Variants in EYS observed in about 807,000 individuals in gnomAD.
EYS encodes the protein EGF-like photoreceptor maintenance factor, also known as protein eyes shut homolog.
Under a neutral mutation model 282.1 loss-of-function variants are expected in EYS, and 250 were observed. That is an observed-to-expected ratio of 0.89 (90% confidence interval 0.80 to 0.98). The LOEUF (loss-of-function observed/expected upper bound fraction) is 0.98. EYS is among the 50% of genes least tolerant of loss of function. The probability of loss-of-function intolerance (pLI) is 0.00; values close to 1 mark genes in which losing one functional copy is unlikely to be tolerated. For missense variants in EYS, 4,016 were observed against 3,709.0 expected, an observed-to-expected ratio of 1.08 and a Z score of -2.15; for synonymous variants, 1,355 against 1,282.9, an observed-to-expected ratio of 1.06 and a Z score of -1.20.
intron 26 of EYS, among the ~76,000 whole-genome samples, chr6:64,537,605 C>T (rs1764566604): frequency 6.6e-6 from 1 of 152,160 alleles, no homozygotes; most frequent in Non-Finnish European, 1.5e-5. Context: ...TCTATAGCTG[C>T]TCAAAGTTAC....
intron 14 of EYS, among the ~76,000 whole-genome samples, chr6:64,970,321 C>T (rs1436704368): frequency 6.6e-6 from 1 of 151,974 alleles, no homozygotes; most frequent in Non-Finnish European, 1.5e-5. Flanking sequence ...CTCATACATC[C>T]CGAGTAGCTG....
chr6:64,479,461 C>T (rs939561986), intron 26 of EYS, among the ~76,000 whole-genome samples: 2 of 151,912 alleles, frequency 1.3e-5, no homozygotes, highest in African/African-American at 4.8e-5. Context: ...CAACTCCCAC[C>T]AATCTCTTAC....
chr6:64,981,229 G>A (rs978739072), intron 14 of EYS, among the ~76,000 whole-genome samples: 1 of 151,336 alleles, frequency 6.6e-6, no homozygotes, highest in South Asian at 2.1e-4. Flanking sequence ...AAAAGAATAC[G>A]TAAAGCTACT....
chr6:65,338,859 C>T (rs559530026), intron 10 of EYS, among the ~76,000 whole-genome samples: 5 of 151,216 alleles, frequency 3.3e-5, no homozygotes, highest in African/African-American at 1.2e-4. Context: ...GAGAAATTAA[C>T]CTTCCTGAAG....
intron 12 of EYS, among the ~76,000 whole-genome samples, chr6:65,221,112 G>T (rs897700862): frequency 1.3e-5 from 2 of 152,144 alleles, no homozygotes; most frequent in African/African-American, 4.8e-5. Context: ...TATTTAAAAG[G>T]CAAGTAGAGC....
At chr6:65,666,680 C>A (rs1266493071) in intron 1 of EYS, among the ~76,000 whole-genome samples, 1 of 151,344 alleles carries the variant, frequency 6.6e-6, no homozygotes, top group South Asian at 2.1e-4. Context: ...TTTTCTCTAA[C>A]ATATTAAAAT....
At chr6:65,309,157 C>T (rs1769088521) in intron 11 of EYS, among the ~76,000 whole-genome samples, 1 of 152,242 alleles carries the variant, frequency 6.6e-6, no homozygotes, top group South Asian at 2.1e-4. Context: ...ATGAGATATT[C>T]TTTCGTCAGA....
At chr6:64,527,425 T>C (rs565788577) in intron 26 of EYS, among the ~76,000 whole-genome samples, 16 of 151,908 alleles carry the variant, frequency 1.1e-4, no homozygotes, top group Non-Finnish European at 1.5e-4. Flanking sequence ...AATAAAAATA[T>C]ATGGGTTTTT....
chr6:65,588,200 T>G (rs1428446163), intron 2 of EYS, among the ~76,000 whole-genome samples: 1 of 152,110 alleles, frequency 6.6e-6, no homozygotes, highest in African/African-American at 2.4e-5. Flanking sequence ...TCTTGCCACA[T>G]ATTTTTGTAT....
chr6:65,619,563 T>A (rs1039708879), intron 2 of EYS, among the ~76,000 whole-genome samples: 29 of 152,148 alleles, frequency 1.9e-4, no homozygotes, highest in African/African-American at 6.3e-4. Context: ...ACTGCCTAAT[T>A]GCCCTGGCCA....
At chr6:64,088,207 T>G (rs1306068964) in intron 31 of EYS, among the ~76,000 whole-genome samples, 4 of 152,122 alleles carry the variant, frequency 2.6e-5, no homozygotes, top group Non-Finnish European at 5.9e-5. Flanking sequence ...GTTTTCCCGC[T>G]GCTTCCAAAA....
At chr6:64,927,493 A>T (rs1290756086) in intron 15 of EYS, among the ~76,000 whole-genome samples, 2 of 152,160 alleles carry the variant, frequency 1.3e-5, no homozygotes, top group African/African-American at 4.8e-5. Flanking sequence ...CAAATACAGA[A>T]ATAAAACTTT....
chr6:64,181,865 G>A (rs975049889), intron 31 of EYS, among the ~76,000 whole-genome samples: 2 of 152,046 alleles, frequency 1.3e-5, no homozygotes, highest in African/African-American at 4.8e-5. Flanking sequence ...ATTCATTTTT[G>A]TTCGAAATAT....
intron 35 of EYS, among the ~76,000 whole-genome samples, chr6:63,866,800 C>G (rs1772680760): frequency 6.6e-6 from 1 of 152,176 alleles, no homozygotes; most frequent in Non-Finnish European, 1.5e-5. Flanking sequence ...GTCTTGATAT[C>G]CCATTAGCAC....
intron 12 of EYS, among the ~76,000 whole-genome samples, chr6:65,272,447 G>A (rs146721141): frequency 1.3e-5 from 2 of 152,190 alleles, no homozygotes; most frequent in Non-Finnish European, 2.9e-5. Flanking sequence ...GTGACTTAGG[G>A]CCAAGATTCC....
chr6:64,893,633 TC>T (rs1162426682), intron 18 of EYS, among the ~76,000 whole-genome samples: 1 of 152,024 alleles, frequency 6.6e-6, no homozygotes, highest in African/African-American at 2.4e-5. Context: ...AGATTTTAAT[TC>T]ATTGAAAATG....
Position 65,344,044 on chromosome 6 carries a change from T to C in EYS, c.1593A>G (p.Thr531=), listed in dbSNP as rs745527927. 3 of 1,610,262 alleles carry C rather than the reference T, an allele frequency of 1.9e-6. No individual in the cohort carries two copies. In the Admixed American group the frequency reaches 5.0e-5, roughly 27 times the overall value. ...NSSCWFPHEG[T]KEICANGCSC... ...CTACATAAAATTACCTTACCTCTTT[T>C]GTGCCTTCATGTGGGAACCAACATG... is the stretch of plus-strand genomic sequence containing the variant. The change falls in exon 10 of 43, where the codon ACA becomes ACG. Residue 531 remains threonine, a synonymous_variant. Coordinates refer to ENST00000503581, the MANE Select transcript of EYS (RefSeq NM_001142800.2).
At chr6:64,767,437 C>T (rs1316142973) in intron 22 of EYS, among the ~76,000 whole-genome samples, 2 of 152,050 alleles carry the variant, frequency 1.3e-5, no homozygotes, top group African/African-American at 2.4e-5. Context: ...TCCCCATACT[C>T]TTTCCAGCCT....
intron 14 of EYS, among the ~76,000 whole-genome samples, chr6:64,948,849 A>C (rs1238834842): frequency 6.6e-6 from 1 of 151,786 alleles, no homozygotes; most frequent in Non-Finnish European, 1.5e-5. Context: ...GTAGTTTGAA[A>C]ATATGCATGT....
Sources: gnomAD v4.1 joint callset for allele counts (sites outside exome capture counted in the v4.1 genomes callset) on GRCh38, gnomAD v4.1.1 for gene constraint, MANE v1.5 for transcripts, NCBI Gene and HGNC (gene_info 2026-07-23, HGNC 2026-07-21) for gene names.